HMCN1: variants seen among roughly 807,000 people sequenced by gnomAD.
HMCN1 encodes hemicentin-1.
A neutral mutation model predicts 625.9 loss-of-function variants in HMCN1; 321 were observed. That is an observed-to-expected ratio of 0.51 (90% CI 0.47 to 0.56). The LOEUF (loss-of-function observed/expected upper bound fraction) is 0.56. Ranked by LOEUF, HMCN1 falls within the 20% of genes least tolerant of loss-of-function variation. HMCN1 has a pLI of 0.00. For missense variants in HMCN1, 6,588 were observed against 6,887.3 expected, an observed-to-expected ratio of 0.96 and a Z score of 1.54; for synonymous variants, 2,425 against 2,417.6, an observed-to-expected ratio of 1.00 and a Z score of -0.09.
At position 185,814,726 on chromosome 1, in the gene HMCN1, C is replaced by T. The variant is rs545210739; in HGVS notation, c.269-31300C>T. Reference sequence around the variant, plus strand: ...TTTTTTTTTGAGATGCAGTATCACTCTGTAGCCCAGGCTGGAGTGCAGTGG... The same window carrying T: ...TTTTTTTTTGAGATGCAGTATCACTTTGTAGCCCAGGCTGGAGTGCAGTGG... On this transcript the variant is annotated intron_variant, in intron 1 of 106. Coordinates refer to ENST00000271588, the MANE Select transcript of HMCN1 (RefSeq NM_031935.3). Among the ~76,000 whole-genome samples, 14 of 148,068 alleles carry T rather than the reference C, an allele frequency of 9.5e-5. No homozygotes were observed. In the East Asian group the frequency reaches 2.5e-3, roughly 27 times the overall value.
chr1:186,108,431 T>G (rs755419147), intron 70 of HMCN1, 30 bp from the exon 71 acceptor site: 3 of 1,614,080 alleles, frequency 1.9e-6, no homozygotes, highest in Admixed American at 1.7e-5. Context: ...TAATACAGAT[T>G]GCTTTTGTTG....
At chr1:185,899,854 G>A (rs1166958698) in intron 4 of HMCN1, among the ~76,000 whole-genome samples, 1 of 152,038 alleles carries the variant, frequency 6.6e-6, no homozygotes. Flanking sequence ...ACTATTTGGT[G>A]AGACCATACT....
chr1:185,903,308 G>A (rs1431793874), intron 4 of HMCN1, among the ~76,000 whole-genome samples: 4 of 151,688 alleles, frequency 2.6e-5, no homozygotes, highest in African/African-American at 7.3e-5. Flanking sequence ...TCATTGAGTT[G>A]AAATTGAGAG....
At chr1:186,121,614 A>G (rs12565788) in intron 80 of HMCN1, among the ~76,000 whole-genome samples, 74,399 of 151,984 alleles carry the variant, frequency 0.49, 19,997 homozygotes, top group African/African-American at 0.7. Flanking sequence ...GAAGGAAACC[A>G]TGATTTCTGT....
chr1:186,081,201 T>C lies in HMCN1; in HGVS notation c.8600-6T>C, dbSNP rs986152367. 1 of 1,612,496 alleles carries C rather than the reference T, an allele frequency of 6.2e-7. No homozygotes were observed. Among genetic ancestry groups the C allele is most frequent in the African/African-American group, 1.3e-5 (1 of 74,870 alleles). On this transcript the variant is annotated splice_polypyrimidine_tract_variant and splice_region_variant and intron_variant, in intron 55 of 106. Coordinates refer to ENST00000271588, the MANE Select transcript of HMCN1 (RefSeq NM_031935.3). ...TTTTTCTCCCTTTGTTGCAATCCTTTGTTAGTGCCGCCAATTATCAAGGGA... is the reference window on the plus strand; with the variant it reads ...TTTTTCTCCCTTTGTTGCAATCCTTCGTTAGTGCCGCCAATTATCAAGGGA...
chr1:186,132,253 A>T, intron 85 of HMCN1, 75 bp from the exon 86 acceptor site: 1 of 983,158 alleles, frequency 1.0e-6, no homozygotes, highest in South Asian at 1.4e-5. Context: ...CAAATAAACT[A>T]GCATCATGGT....
Position 186,172,017 on chromosome 1 carries a change from T to C in HMCN1, c.15700T>C (p.Cys5234Arg). The change falls in exon 102 of 107, where the codon TGT becomes CGT. Residue 5234 changes from cysteine to arginine, a missense_variant. This residue lies in a region of HMCN1 where 1,954 missense variants were observed against 2,013.1 expected (regional missense o/e 0.97). Transcript: ENST00000271588. ...KGRKCMDVNECRQNVCRPDQH... is the reference protein window; with the variant it reads ...KGRKCMDVNERRQNVCRPDQH... ...GTTCTTTTATCAAGATGTGAACGAGTGTAGACAAAATGTATGCAGACCAGA... is the reference window on the plus strand; with the variant it reads ...GTTCTTTTATCAAGATGTGAACGAGCGTAGACAAAATGTATGCAGACCAGA... The C allele has an allele frequency of 6.2e-7, 1 of 1,613,460 alleles. No homozygotes were observed. The highest frequency in any genetic ancestry group is 8.5e-7 in the Non-Finnish European group (1 of 1,179,558).
At chr1:185,981,207 C>A in intron 17 of HMCN1, 134 bp downstream of exon 17, 1 of 673,852 alleles carries the variant, frequency 1.5e-6, no homozygotes, top group Non-Finnish European at 2.7e-6. Flanking sequence ...CCTTCCCTTC[C>A]CTGCCACACT....
At chr1:185,975,888 ACACACACACACACACACACG>A in intron 15 of HMCN1, among the ~76,000 whole-genome samples, 1 of 141,210 alleles carries the variant, frequency 7.1e-6, no homozygotes, top group Admixed American at 6.8e-5. Context: ...TATGCACCAG[ACACACACACACACACACACG>A]CACACACACA....
intron 1 of HMCN1, among the ~76,000 whole-genome samples, chr1:185,807,375 T>A (rs1473199582): frequency 1.3e-5 from 2 of 152,220 alleles, no homozygotes; most frequent in African/African-American, 4.8e-5. Flanking sequence ...ATAGATAGGC[T>A]TCTCTTAACA....
intron 4 of HMCN1, among the ~76,000 whole-genome samples, chr1:185,888,348 A>T (rs1238286205): frequency 7.0e-6 from 1 of 142,872 alleles, no homozygotes; most frequent in African/African-American, 3.0e-5. Context: ...TTTTGTTGCC[A>T]TTGCTTTTGG....
At chr1:185,767,440 G>A (rs563494018) in intron 1 of HMCN1, among the ~76,000 whole-genome samples, 1 of 152,268 alleles carries the variant, frequency 6.6e-6, no homozygotes, top group African/African-American at 2.4e-5. Flanking sequence ...AAGGGAATAA[G>A]TAACTTTGGA....
Position 186,171,567 on chromosome 1 carries a change from C to A in HMCN1, c.15688+117C>A, listed in dbSNP as rs867035301. The A allele has an allele frequency of 8.9e-5, 74 of 832,990 alleles. No homozygotes were observed. In the Middle Eastern group the frequency reaches 5.4e-3, roughly 61 times the overall value. 51.6% of individuals were successfully genotyped at this position (832,990 alleles called of 1,614,324 possible). ...GTTCCTATATAGGACATCAAGCATG[C>A]AGCATGTATGCAATCCATGCAAAAC... On this transcript the variant is annotated intron_variant, in intron 101 of 106. Transcript: ENST00000271588.
chr1:186,024,452 C>T (rs568014801), intron 36 of HMCN1, among the ~76,000 whole-genome samples: 4 of 152,236 alleles, frequency 2.6e-5, no homozygotes, highest in Admixed American at 1.3e-4. Flanking sequence ...CTTCTGCAAG[C>T]TATTTGCCTT....
intron 22 of HMCN1, among the ~76,000 whole-genome samples, chr1:185,992,451 T>C (rs1652494638): frequency 6.6e-6 from 1 of 152,186 alleles, no homozygotes; most frequent in Non-Finnish European, 1.5e-5. Flanking sequence ...AGTGCTCTAA[T>C]TTTATATCTT....
At position 185,977,833 on chromosome 1, in the gene HMCN1, T is replaced by A. The variant is rs774594529; in HGVS notation, c.2418T>A (p.Ile806=). The A allele has an allele frequency of 2.1e-5, 34 of 1,613,220 alleles. No homozygotes were observed. The highest frequency in any genetic ancestry group is 1.6e-4 in the Middle Eastern group (1 of 6,078). ...AACCTGCTGATGTGTCTATGGAAAT[T>A]GGCTCAAATGTGACATTACCTTGTT... ...IQEPADVSME[I]GSNVTLPCYV... The change falls in exon 16 of 107, where the codon ATT becomes ATA. Residue 806 remains isoleucine (I), a synonymous_variant. Transcript: ENST00000271588.
Position 186,151,660 on chromosome 1 carries a change from C to T in HMCN1, c.14813C>T (p.Ala4938Val). 6.2e-7 allele frequency: 1 copy of T among 1,612,440 alleles called. No individual in the cohort carries two copies. Among genetic ancestry groups the T allele is most frequent in the Non-Finnish European group, 8.5e-7 (1 of 1,178,634 alleles). Reference protein sequence around the residue: ...SILNPIYWTTAKEIGEAVNGF... With the variant: ...SILNPIYWTTVKEIGEAVNGF... The stretch of plus-strand genomic sequence containing the variant: ...CTAAATCCCATTTATTGGACAACAG[C>T]AAAGGAAATAGGAGAAGCAGTCAAT... The change falls in exon 95 of 107, where the codon GCA becomes GTA. Residue 4938 changes from alanine (A) to valine (V), a missense_variant. This residue lies in a region of HMCN1 where 1,954 missense variants were observed against 2,013.1 expected (regional missense o/e 0.97). Coordinates refer to ENST00000271588, the MANE Select transcript of HMCN1 (RefSeq NM_031935.3).
At chr1:185,823,152 C>G (rs186116986) in intron 1 of HMCN1, among the ~76,000 whole-genome samples, 1 of 151,716 alleles carries the variant, frequency 6.6e-6, no homozygotes, top group Admixed American at 6.6e-5. Context: ...ACATATGGAC[C>G]CAAATTTATT....
chr1:186,021,698 G>T (rs761957783), intron 35 of HMCN1, among the ~76,000 whole-genome samples: 1 of 152,050 alleles, frequency 6.6e-6, no homozygotes, highest in Admixed American at 6.6e-5. Flanking sequence ...ATCATTTGGG[G>T]TCAGAATGTG....
Sources: allele counts gnomAD v4.1 joint callset (sites outside exome capture counted in the v4.1 genomes callset), GRCh38; gene constraint gnomAD v4.1.1; regional missense constraint gnomAD v4.1.1; transcripts MANE v1.5; gene names NCBI Gene and HGNC (gene_info 2026-07-23, HGNC 2026-07-21).